The following SLC35F1 variants were observed in gnomAD, a reference collection of about 807,000 sequenced individuals.
SLC35F1 encodes the protein solute carrier family 35 member F1.
Under a neutral mutation model 48.7 loss-of-function variants are expected in SLC35F1, and 14 were observed. The ratio of observed to expected loss-of-function variants is 0.29; its 90% CI spans 0.19 to 0.45. SLC35F1 has a LOEUF of 0.45. SLC35F1 is among the 20% of genes least tolerant of loss of function. The pLI is 1.00. For synonymous variants in SLC35F1, 190 were observed against 202.2 expected (o/e 0.94, Z 0.51); for missense variants, 404 against 500.0 (o/e 0.81, Z 1.83).
intron 1 of SLC35F1, among the ~76,000 whole-genome samples, chr6:118,008,516 G>A (rs753505886): frequency 6.6e-6 from 1 of 152,170 alleles, no homozygotes; most frequent in African/African-American, 2.4e-5. Context: ...CGTAATAAAA[G>A]TTACAGCATG....
rs1026459369 is a variant in SLC35F1 at position 118,311,176 on chromosome 6, C to A, written c.1003-2852C>A. Among the ~76,000 whole-genome samples, 9 of 152,266 alleles carry A rather than the reference C, an allele frequency of 5.9e-5. 1 individual carries two copies. The highest frequency in any genetic ancestry group is 5.2e-4 in the Admixed American group (8 of 15,292). On this transcript the variant is annotated intron_variant, in intron 7 of 7. Transcript: ENST00000360388. ...TGTCCTATCATACTCCTCTGAATGA[C>A]CCCAGGTTTGAAGATGATTTTTGGA...
chr6:118,264,392 C>G (rs1247076527), intron 3 of SLC35F1, among the ~76,000 whole-genome samples: 1 of 152,228 alleles, frequency 6.6e-6, no homozygotes, highest in Non-Finnish European at 1.5e-5. Flanking sequence ...CCCAGAAACA[C>G]TGGCTTGATT....
intron 1 of SLC35F1, among the ~76,000 whole-genome samples, chr6:118,070,932 C>CTGTG (rs1341347640): frequency 6.0e-4 from 20 of 33,066 alleles, no homozygotes; most frequent in African/African-American, 1.5e-3. Flanking sequence ...AATATATATA[C>CTGTG]TATATATACA....
intron 1 of SLC35F1, among the ~76,000 whole-genome samples, chr6:117,993,735 TGATTTC>T: frequency 6.6e-6 from 1 of 152,292 alleles, no homozygotes; most frequent in East Asian, 1.9e-4. Flanking sequence ...TGCCTTTAAT[TGATTTC>T]TTGTTTCCTT....
intron 1 of SLC35F1, among the ~76,000 whole-genome samples, chr6:118,062,064 G>GA (rs35130117): frequency 0.25 from 37,622 of 150,490 alleles, 4,877 homozygotes; most frequent in East Asian, 0.36. Context: ...CTTAGTTTTA[G>GA]AAAAAAAAAT....
chr6:118,162,784 A>G (rs205955), intron 2 of SLC35F1, among the ~76,000 whole-genome samples: 116,448 of 151,996 alleles, frequency 0.77, 45,136 homozygotes, highest in African/African-American at 0.9. Flanking sequence ...TGTTACATGA[A>G]CTATCAAGCT....
chr6:118,089,165 C>A (rs4945610), intron 1 of SLC35F1, among the ~76,000 whole-genome samples: 86,653 of 151,964 alleles, frequency 0.57, 25,497 homozygotes, highest in East Asian at 0.86. Flanking sequence ...CCCTAGAACT[C>A]TGGCATGAGC....
chr6:118,194,771 A>G (rs1008639174), intron 2 of SLC35F1, among the ~76,000 whole-genome samples: 15 of 152,216 alleles, frequency 9.9e-5, no homozygotes, highest in African/African-American at 3.6e-4. Context: ...TCTGACTGTA[A>G]GAAATTCTTG....
intron 1 of SLC35F1, among the ~76,000 whole-genome samples, chr6:118,020,213 T>G (rs1301791208): frequency 6.6e-6 from 1 of 152,202 alleles, no homozygotes; most frequent in Non-Finnish European, 1.5e-5. Context: ...CATCTGAAGA[T>G]TCAATGAAAA....
rs751901232 is a variant in SLC35F1 at position 118,275,568 on chromosome 6, C to T, written c.747C>T (p.Phe249=). The T allele has an allele frequency of 1.2e-6, 2 of 1,613,808 alleles. No homozygotes were observed. The highest frequency in any genetic ancestry group is 1.1e-5 in the South Asian group (1 of 91,058). ...YIIRTLSRVE[F]LGMIGLFGAF... is the part of the protein sequence containing the mutation. Reference sequence around the variant, plus strand: ...TCCGAACTCTGAGCCGAGTGGAATTCCTGGGAATGATTGGTCTCTTTGGAG... The same window carrying T: ...TCCGAACTCTGAGCCGAGTGGAATTTCTGGGAATGATTGGTCTCTTTGGAG... The change falls in exon 5 of 8, where the codon TTC becomes TTT. Residue 249 remains phenylalanine (F), a synonymous_variant. Coordinates refer to ENST00000360388, the MANE Select transcript of SLC35F1 (RefSeq NM_001029858.4).
intron 1 of SLC35F1, among the ~76,000 whole-genome samples, chr6:117,996,668 A>G (rs958450076): frequency 3.9e-5 from 6 of 152,246 alleles, no homozygotes; most frequent in African/African-American, 1.4e-4. Context: ...ACCCAGGCAC[A>G]CAGGGTCTGG....
intron 2 of SLC35F1, among the ~76,000 whole-genome samples, chr6:118,229,870 A>G (rs1039741563): frequency 6.6e-6 from 1 of 152,216 alleles, no homozygotes; most frequent in African/African-American, 2.4e-5. Flanking sequence ...TTAGACATGA[A>G]TCACATGGCC....
intron 1 of SLC35F1, among the ~76,000 whole-genome samples, chr6:118,146,697 G>A (rs1453494795): frequency 6.6e-6 from 1 of 151,756 alleles, no homozygotes; most frequent in African/African-American, 2.4e-5. Flanking sequence ...AAACTTCCTG[G>A]AGGCAGGGCC....
chr6:117,963,859 G>A (rs897211720), intron 1 of SLC35F1, among the ~76,000 whole-genome samples: 3 of 151,992 alleles, frequency 2.0e-5, no homozygotes, highest in Non-Finnish European at 4.4e-5. Context: ...CAGGATGTGC[G>A]GGTTTGTTAC....
chr6:118,303,029 T>C (rs1415272947), intron 7 of SLC35F1, among the ~76,000 whole-genome samples: 1 of 151,912 alleles, frequency 6.6e-6, no homozygotes, highest in East Asian at 1.9e-4. Context: ...TTTTGACAGC[T>C]GCCATTTCAT....
intron 1 of SLC35F1, among the ~76,000 whole-genome samples, chr6:117,977,703 C>G (rs949006324): frequency 2.6e-4 from 40 of 151,956 alleles, no homozygotes; most frequent in Non-Finnish European, 7.4e-5. Flanking sequence ...TTGCCATTTA[C>G]TTGTCTATGG....
At chr6:118,019,747 C>T (rs774746296) in intron 1 of SLC35F1, among the ~76,000 whole-genome samples, 2 of 152,074 alleles carry the variant, frequency 1.3e-5, no homozygotes, top group Admixed American at 6.5e-5. Context: ...AACATTCTTG[C>T]GAATATATTA....
intron 1 of SLC35F1, among the ~76,000 whole-genome samples, chr6:117,949,208 A>G (rs770906229): frequency 1.3e-5 from 2 of 152,218 alleles, no homozygotes; most frequent in Non-Finnish European, 2.9e-5. Flanking sequence ...CCAAGCATCC[A>G]AAACCTGGAA....
chr6:117,994,722 A>G (rs1353660412), intron 1 of SLC35F1, among the ~76,000 whole-genome samples: 1 of 152,198 alleles, frequency 6.6e-6, no homozygotes, highest in Non-Finnish European at 1.5e-5. Flanking sequence ...AATATTGTTG[A>G]CTGGTGGAAT....
Sources: allele counts gnomAD v4.1 joint callset (sites outside exome capture counted in the v4.1 genomes callset), GRCh38; gene constraint gnomAD v4.1.1; transcripts MANE v1.5; gene names NCBI Gene and HGNC (gene_info 2026-07-23, HGNC 2026-07-21).